UNC79: variants seen among roughly 807,000 people sequenced by gnomAD.
The protein encoded by UNC79 is unc-79 subunit of NALCN channel complex.
Under a neutral mutation model 283.1 loss-of-function variants are expected in UNC79, and 37 were observed. The ratio of observed to expected loss-of-function variants is 0.13; its 90% CI spans 0.10 to 0.17. The LOEUF (loss-of-function observed/expected upper bound fraction) is 0.17. UNC79 is among the 10% of genes least tolerant of loss of function. The pLI is 1.00. For missense variants in UNC79, 2,272 were observed against 3,211.1 expected, an observed-to-expected ratio of 0.71 and a Z score of 7.07; for synonymous variants, 1,107 against 1,200.2, an observed-to-expected ratio of 0.92 and a Z score of 1.61.
At chr14:93,447,091 T>A (rs143197034) in intron 1 of UNC79, among the ~76,000 whole-genome samples, 1 of 152,328 alleles carries the variant, frequency 6.6e-6, no homozygotes, top group Admixed American at 6.5e-5. Context: ...TGTTATGTTT[T>A]CCTGTTGAAT....
intron 32 of UNC79, among the ~76,000 whole-genome samples, chr14:93,637,505 C>T (rs752700384): frequency 1.4e-4 from 21 of 152,166 alleles, no homozygotes; most frequent in Non-Finnish European, 1.8e-4. Flanking sequence ...GACTTTCTAA[C>T]CCTTGCACAC....
At chr14:93,350,672 A>AT (rs886409242) in intron 1 of UNC79, among the ~76,000 whole-genome samples, 1 of 152,164 alleles carries the variant, frequency 6.6e-6, no homozygotes, top group African/African-American at 2.4e-5. Flanking sequence ...AGAGGTTTTG[A>AT]TTTTTAATTA....
chr14:93,662,794 C>T (rs2140462718), intron 40 of UNC79, 80 bp downstream of exon 43: 2 of 1,099,472 alleles, frequency 1.8e-6, no homozygotes, highest in East Asian at 2.6e-5. Flanking sequence ...TGTCAAGTCC[C>T]TTTTAGCTCA....
exon 12 of UNC79, chr14:93,538,050 G>A (rs145056871): frequency 1.1e-5 from 18 of 1,614,026 alleles, no homozygotes; most frequent in African/African-American, 5.3e-5. Context: ...TGCTGTGGTC[G>A]TCACGGAAAC....
intron 5 of UNC79, among the ~76,000 whole-genome samples, chr14:93,490,709 T>C (rs1171964049): frequency 6.6e-6 from 1 of 152,222 alleles, no homozygotes; most frequent in East Asian, 1.9e-4. Flanking sequence ...ATCATTTAGG[T>C]ATTCTCAAAG....
At chr14:93,514,024 C>T (rs1197881438) in intron 7 of UNC79, among the ~76,000 whole-genome samples, 2 of 152,128 alleles carry the variant, frequency 1.3e-5, no homozygotes. Flanking sequence ...TAGTCTTCTA[C>T]TTTAGGAAAC....
chr14:93,675,495 T>C (rs1177162751), intron 41 of UNC79, among the ~76,000 whole-genome samples: 2 of 152,070 alleles, frequency 1.3e-5, no homozygotes, highest in African/African-American at 4.8e-5. Context: ...ACGGGTACAG[T>C]AGTAGAGATG....
chr14:93,593,535 ATCCT>A, intron 22 of UNC79, 141 bp from the exon 23 acceptor site: 1 of 884,206 alleles, frequency 1.1e-6, no homozygotes, highest in Non-Finnish European at 1.7e-6. Context: ...TCAGAGGATT[ATCCT>A]CTCGTGGATG....
intron 7 of UNC79, among the ~76,000 whole-genome samples, chr14:93,511,509 G>A (rs2059822795): frequency 6.6e-6 from 1 of 152,060 alleles, no homozygotes; most frequent in African/African-American, 2.4e-5. Context: ...GTGTTGTGGT[G>A]CGATCTCGGC....
intron 41 of UNC79, among the ~76,000 whole-genome samples, chr14:93,674,920 C>T (rs962033468): frequency 5.9e-5 from 9 of 152,182 alleles, no homozygotes; most frequent in Non-Finnish European, 8.8e-5. Flanking sequence ...TAACACACAG[C>T]CTTGACAGGC....
At chr14:93,641,009 T>G (rs1406594224) in intron 32 of UNC79, 136 bp from the exon 36 acceptor site, 2 of 601,946 alleles carry the variant, frequency 3.3e-6, no homozygotes, top group Non-Finnish European at 5.7e-6. Context: ...GAGGGCTTTC[T>G]GCAGTACAGT....
Position 93,621,678 on chromosome 14 carries a change from A to G in UNC79, c.4445A>G (p.His1482Arg). The G allele has an allele frequency of 6.2e-7, 1 of 1,611,932 alleles. No homozygotes were observed. The highest frequency in any genetic ancestry group is 1.1e-5 in the South Asian group (1 of 90,784). ...GGTGCATTACAAGACAGCCTTCTCC[A>G]CTGTGTGAGAGAAGAAAGCATTCCG... Residue 1482 changes from histidine (H) to arginine (R), a missense_variant, in exon 30 of 49, where the codon CAC becomes CGC. This residue lies in a region of UNC79 where 580 missense variants were observed against 632.2 expected (regional missense o/e 0.92). Transcript: ENST00000555664. The surrounding 1 kb of genome is among the most constrained non-coding windows in gnomAD (Gnocchi z 4.8).
intron 34 of UNC79, among the ~76,000 whole-genome samples, chr14:93,644,003 C>A (rs995087072): frequency 5.9e-5 from 9 of 152,320 alleles, no homozygotes; most frequent in Admixed American, 3.3e-4. Context: ...CAACTGTCAG[C>A]AGTTGATAGT....
At chr14:93,366,473 T>A (rs573440344) in intron 1 of UNC79, among the ~76,000 whole-genome samples, 1 of 152,272 alleles carries the variant, frequency 6.6e-6, no homozygotes, top group African/African-American at 2.4e-5. Context: ...TTTATTATTT[T>A]ATATATTTAG....
intron 14 of UNC79, among the ~76,000 whole-genome samples, chr14:93,570,611 C>T (rs1232801825): frequency 2.0e-5 from 3 of 151,706 alleles, no homozygotes; most frequent in Non-Finnish European, 4.4e-5. Context: ...TGTTCTAAAT[C>T]TGATTTCTGT....
Position 93,577,867 on chromosome 14 carries a change from G to A in UNC79, c.2237G>A (p.Arg746Gln), listed in dbSNP as rs576321999. ...GTGAGTGTTGCCTCTGATCCTGGCC[G>A]ACGAGTTCAGCACAATATGCTTAGT... Residue 746 changes from arginine to glutamine, a missense_variant, in exon 18 of 49, where the codon CGA becomes CAA. Around this residue, in one of 11 missense-constraint regions of UNC79, gnomAD observed 356 missense variants for 416.2 expected, o/e 0.86. Coordinates refer to ENST00000555664, the Ensembl canonical transcript of UNC79. 92 of 1,614,080 alleles carry A rather than the reference G, an allele frequency of 5.7e-5. 1 individual carries two copies. The South Asian group carries it at 8.5e-4, about 15-fold the overall frequency.
chr14:93,467,635 T>TC, intron 1 of UNC79, 36 bp from the exon 2 acceptor site: 1 of 637,096 alleles, frequency 1.6e-6, no homozygotes, highest in East Asian at 1.0e-4. Flanking sequence ...TTCCTTTTTT[T>TC]TTTTTTTTTT....
chr14:93,548,300 G>A (rs986364273), intron 14 of UNC79, among the ~76,000 whole-genome samples: 1 of 152,216 alleles, frequency 6.6e-6, no homozygotes, highest in South Asian at 2.1e-4. Context: ...TTACAAGGGC[G>A]TTCATTCATA....
intron 1 of UNC79, among the ~76,000 whole-genome samples, chr14:93,415,211 T>C (rs965019961): frequency 6.6e-6 from 1 of 152,154 alleles, no homozygotes; most frequent in African/African-American, 2.4e-5. Flanking sequence ...ACCTAATTTA[T>C]TGAGTTTTTA....
Sources: gnomAD v4.1 joint callset for allele counts (sites outside exome capture counted in the v4.1 genomes callset) on GRCh38, gnomAD v4.1.1 for gene constraint, gnomAD v4.1.1 regional missense constraint, Gnocchi (gnomAD v3.1) non-coding constraint, MANE v1.5 for transcripts, NCBI Gene and HGNC (gene_info 2026-07-23, HGNC 2026-07-21) for gene names.